The following KLF13 variants were observed in gnomAD, a reference collection of about 807,000 sequenced individuals.
KLF13 encodes KLF transcription factor 13.
In KLF13, 8 loss-of-function variants were observed where a neutral mutation model predicts 16.7. That is an observed-to-expected ratio of 0.48 (90% CI 0.28 to 0.87). KLF13 has a LOEUF of 0.87. KLF13 is among the 40% of genes least tolerant of loss of function. The probability of loss-of-function intolerance (pLI) is 0.10; values close to 1 mark genes in which losing one functional copy is unlikely to be tolerated. For synonymous variants in KLF13, 245 were observed against 208.4 expected, an observed-to-expected ratio of 1.18 and a Z score of -1.51; for missense variants, 447 against 452.2, an observed-to-expected ratio of 0.99 and a Z score of 0.10.
intron 1 of KLF13, among the ~76,000 whole-genome samples, chr15:31,418,571 T>C (rs960112166): frequency 4.6e-5 from 7 of 152,024 alleles, no homozygotes; most frequent in African/African-American, 1.7e-4. Context: ...CAAATAATAA[T>C]ATGAAAAGTA....
intron 1 of KLF13, among the ~76,000 whole-genome samples, chr15:31,426,036 T>A (rs899760946): frequency 4.6e-5 from 7 of 152,200 alleles, no homozygotes; most frequent in African/African-American, 1.7e-4. Flanking sequence ...TCCAGTCTCT[T>A]TGCTAAAACA....
intron 1 of KLF13, among the ~76,000 whole-genome samples, chr15:31,412,228 C>T (rs1358618074): frequency 6.6e-6 from 1 of 152,162 alleles, no homozygotes; most frequent in African/African-American, 2.4e-5. Context: ...GGAGCTTTTG[C>T]CAGACACCAA....
Position 31,372,293 on chromosome 15 carries a change from G to A in KLF13, c.861G>A (p.Ser287=). 4.8e-6 allele frequency: 7 copies of A among 1,464,214 alleles called. No individual in the cohort carries two copies. Among genetic ancestry groups the A allele is most frequent in the Non-Finnish European group, 6.3e-6 (7 of 1,111,512 alleles). The allele number at this position is 1,464,214 out of a possible 1,614,324, so 90.7% of individuals were successfully genotyped here. Residue 287 remains serine, a synonymous_variant, in exon 2 of 2, where the codon TCG becomes TCA. Transcript: ENST00000307145. ...GCCCCACCATCAGCCCGGCCAGCTC[G>A]CCCTGAGCCCGCCACAGCCATGAGC... The part of the protein sequence containing the change: ...ASSPTISPAS[S]P
chr15:31,372,098 G>A lies in KLF13; in HGVS notation c.666G>A (p.Thr222=), dbSNP rs764340460. The part of the protein sequence containing the change: ...DELARHYRTH[T]GEKKFSCPIC... ...TGGCGCGGCACTACCGCACACACAC[G>A]GGCGAGAAGAAGTTCAGCTGCCCCA... is the stretch of plus-strand genomic sequence containing the variant. The change falls in exon 2 of 2, where the codon ACG becomes ACA. Residue 222 remains threonine, a synonymous_variant. Coordinates refer to ENST00000307145, the MANE Select transcript of KLF13 (RefSeq NM_015995.4). 13 of 1,612,860 alleles carry A rather than the reference G, an allele frequency of 8.1e-6. No individual in the cohort carries two copies. Among genetic ancestry groups the A allele is most frequent in the African/African-American group, 5.3e-5 (4 of 74,936 alleles).
At chr15:31,411,675 G>A (rs985187061) in intron 1 of KLF13, among the ~76,000 whole-genome samples, 2 of 151,362 alleles carry the variant, frequency 1.3e-5, no homozygotes, top group Admixed American at 6.6e-5. Context: ...AAAGTGCTAC[G>A]ATTACAAGCA....
At chr15:31,352,138 CAG>C (rs1042720851) in intron 1 of KLF13, among the ~76,000 whole-genome samples, 3 of 152,178 alleles carry the variant, frequency 2.0e-5, no homozygotes, top group Non-Finnish European at 4.4e-5. Flanking sequence ...GTTTACACAA[CAG>C]AGGGGTCGCC....
chr15:31,383,877 G>A (rs1402878732), intron 1 of KLF13, among the ~76,000 whole-genome samples: 2 of 151,916 alleles, frequency 1.3e-5, no homozygotes, highest in Admixed American at 1.3e-4. Context: ...ACTCCAGCCT[G>A]GGCAACAGAG....
downstream of KLF13, among the ~76,000 whole-genome samples, chr15:31,405,167 G>A (rs930796336): frequency 2.6e-5 from 4 of 152,132 alleles, no homozygotes; most frequent in Admixed American, 6.5e-5. Context: ...TAGAAAACAA[G>A]AGCCTGCGTA....
At position 31,327,278 on chromosome 15, in the gene KLF13, G is replaced by A. The variant is rs954926276; in HGVS notation, c.66G>A (p.Ala22=). The A allele has an allele frequency of 1.5e-6, 2 of 1,340,082 alleles. No homozygotes were observed. Among genetic ancestry groups the A allele is most frequent in the African/African-American group, 1.6e-5 (1 of 64,510 alleles). The allele number at this position is 1,340,082 out of a possible 1,614,324, so 83.0% of individuals were successfully genotyped here. Residue 22 remains alanine, a synonymous_variant, in exon 1 of 2, where the codon GCG becomes GCA. Transcript: ENST00000307145. ...AECLVSMSSR[A]VVHGPREGPE... is the part of the protein sequence containing the mutation. The stretch of plus-strand genomic sequence containing the variant: ...GCCTCGTGTCCATGTCGAGCCGCGC[G>A]GTCGTGCACGGGCCGCGGGAGGGGC...
At chr15:31,346,901 C>A (rs138972623) in intron 1 of KLF13, among the ~76,000 whole-genome samples, 1 of 152,054 alleles carries the variant, frequency 6.6e-6, no homozygotes, top group South Asian at 2.1e-4. Flanking sequence ...GCAGACTGGA[C>A]GTGTGGGTTG....
At chr15:31,354,471 C>T (rs374873136) in intron 1 of KLF13, among the ~76,000 whole-genome samples, 14 of 152,322 alleles carry the variant, frequency 9.2e-5, no homozygotes, top group Admixed American at 4.6e-4. Context: ...ACCTCTGCCT[C>T]CCGCGTTCAA....
At chr15:31,432,147 A>G (rs2040479788) in intron 1 of KLF13, among the ~76,000 whole-genome samples, 1 of 146 alleles carries the variant, frequency 6.8e-3, no homozygotes, top group South Asian at 0.1. Context: ...CAGAGCACTT[A>G]CAAAACTTTC....
chr15:31,432,889 C>T (rs981094063), intron 1 of KLF13, among the ~76,000 whole-genome samples: 18 of 152,080 alleles, frequency 1.2e-4, no homozygotes, highest in Non-Finnish European at 2.1e-4. Context: ...CCGAGGCAGG[C>T]GGATAACTTG....
At chr15:31,340,872 A>T (rs1330143738) in intron 1 of KLF13, among the ~76,000 whole-genome samples, 1 of 152,076 alleles carries the variant, frequency 6.6e-6, no homozygotes, top group East Asian at 1.9e-4. Context: ...CTATCTTAAA[A>T]ACAAAAGAAA....
In KLF13 at chr15:31,339,417, G is replaced by A. The variant is rs1262685123; in HGVS notation, c.577+11628G>A. On this transcript the variant is annotated intron_variant, in intron 1 of 1. Transcript: ENST00000307145. ...AAGGCCCTGGTGAGGCAGTGCGGGG[G>A]CAGCACAGAGGACCCCCCACTGCCG... 2.6e-5 allele frequency among the ~76,000 whole-genome samples: 4 copies of A among 152,300 alleles called. No individual in the cohort carries two copies. The East Asian group carries it at 5.8e-4, about 22-fold the overall frequency.
intron 2 of KLF13, among the ~76,000 whole-genome samples, chr15:31,401,392 G>T (rs1214064595): frequency 6.6e-6 from 1 of 152,188 alleles, no homozygotes; most frequent in Admixed American, 6.5e-5. Flanking sequence ...TTTGTCCCCC[G>T]GGTGGGGTGT....
At chr15:31,404,409 C>T (rs1354238639) in exon 3 of KLF13, 4 of 152,126 alleles carry the variant, frequency 2.6e-5, no homozygotes, top group African/African-American at 9.7e-5. Context: ...ATGCACAAAT[C>T]AGCACTCTGT....
chr15:31,341,122 T>C (rs2039015072), intron 1 of KLF13, among the ~76,000 whole-genome samples: 1 of 152,074 alleles, frequency 6.6e-6, no homozygotes, highest in Non-Finnish European at 1.5e-5. Flanking sequence ...AGGCTCTCAG[T>C]GTTTTATTTT....
At chr15:31,390,624 A>T (rs2039850520), upstream of KLF13, among the ~76,000 whole-genome samples, 1 of 152,176 alleles carries the variant, frequency 6.6e-6, no homozygotes, top group South Asian at 2.1e-4. Context: ...TTGATCCTGC[A>T]TTCCACGGAG....
Sources: allele counts gnomAD v4.1 joint callset (sites outside exome capture counted in the v4.1 genomes callset), GRCh38; gene constraint gnomAD v4.1.1; transcripts MANE v1.5; gene names NCBI Gene and HGNC (gene_info 2026-07-23, HGNC 2026-07-21).